SDK1: variants seen among roughly 807,000 people sequenced by gnomAD.
The protein encoded by SDK1 is sidekick cell adhesion molecule 1, also known as protein sidekick-1.
SDK1 carries 157 observed loss-of-function variants against 245.5 expected under a neutral mutation model. The observed-to-expected ratio is 0.64, with a 90% CI of 0.56 to 0.73. The LOEUF is 0.73. SDK1 is among the 30% of genes least tolerant of loss of function. The pLI is 0.00. For synonymous variants in SDK1, 1,647 were observed against 1,278.5 expected (o/e 1.29, Z -6.15); for missense variants, 3,583 against 3,002.3 (o/e 1.19, Z -4.52).
intron 1 of SDK1, among the ~76,000 whole-genome samples, chr7:3,581,926 A>G (rs933350086): frequency 3.3e-5 from 5 of 152,252 alleles, no homozygotes; most frequent in Admixed American, 3.3e-4. Flanking sequence ...TATTCTCGTC[A>G]GTGGGAGCTA....
At chr7:4,227,117 C>G (rs1345300952) in intron 40 of SDK1, 2 of 271,010 alleles carry the variant, frequency 7.4e-6, no homozygotes, top group African/African-American at 4.5e-5. Flanking sequence ...CAGTCTTTGG[C>G]AACGGGAGTT....
intron 28 of SDK1, among the ~76,000 whole-genome samples, chr7:4,133,316 A>G (rs1035594982): frequency 6.6e-6 from 1 of 152,210 alleles, no homozygotes; most frequent in Non-Finnish European, 1.5e-5. Flanking sequence ...TCCTTGACTC[A>G]TTCACCCTTT....
At chr7:3,763,716 G>A (rs895174694) in intron 4 of SDK1, among the ~76,000 whole-genome samples, 4 of 152,096 alleles carry the variant, frequency 2.6e-5, no homozygotes, top group African/African-American at 9.7e-5. Flanking sequence ...TACCTTTTTA[G>A]GGGTGGTGGT....
chr7:4,003,997 G>A (rs1785272658), intron 14 of SDK1, among the ~76,000 whole-genome samples: 1 of 152,224 alleles, frequency 6.6e-6, no homozygotes, highest in South Asian at 2.1e-4. Context: ...TTTGCACAAG[G>A]AGCATTAATG....
At position 3,408,938 on chromosome 7, in the gene SDK1, T is replaced by G. The variant is rs540799961; in HGVS notation, c.298+107054T>G. ...AACAATGCTGATGTACAGTTCTTAT[T>G]GCATTTCAAAAACCTAACCAGTTAA... On this transcript the variant is annotated intron_variant, in intron 1 of 44. Transcript: ENST00000404826. Among the ~76,000 whole-genome samples the G allele has an allele frequency of 3.1e-4, 47 of 152,324 alleles. No homozygotes were observed. The South Asian group carries it at 9.3e-3, about 30-fold the overall frequency.
At chr7:4,031,884 G>T (rs1185576469) in intron 17 of SDK1, among the ~76,000 whole-genome samples, 1 of 151,936 alleles carries the variant, frequency 6.6e-6, no homozygotes, top group Non-Finnish European at 1.5e-5. Flanking sequence ...AAAATTAGCC[G>T]GGCATGGTGG....
rs368295572 is a variant in SDK1 at position 4,106,883 on chromosome 7, C to G, written c.3325-3780C>G. ...CAGCCCCTGTGGCTGAGAGCCTGCC[C>G]TGAGTGCCCAGTGCCTGAACAAGAT... On this transcript the variant is annotated intron_variant, in intron 22 of 44. Coordinates refer to ENST00000404826, the MANE Select transcript of SDK1 (RefSeq NM_152744.4). Among the ~76,000 whole-genome samples the G allele has an allele frequency of 6.2e-3, 943 of 151,918 alleles. 29 individuals carry two copies. The South Asian group carries it at 0.098, about 16-fold the overall frequency.
In SDK1 at chr7:4,026,553, C is replaced by T. The variant is rs544883340; in HGVS notation, c.2602+9201C>T. On this transcript the variant is annotated intron_variant, in intron 17 of 44. Transcript: ENST00000404826. This position sits in a 1 kb window ranked among gnomAD's most constrained non-coding sequence, Gnocchi z 4.1. The stretch of plus-strand genomic sequence containing the variant: ...GCCCAAACACTGGCCCCAAATGCTT[C>T]TCTTCAATGCCTGGCAAGTAAAGAT... Among the ~76,000 whole-genome samples, 1 of 152,282 alleles carries T rather than the reference C, an allele frequency of 6.6e-6. No individual in the cohort carries two copies. The highest frequency in any genetic ancestry group is 2.1e-4 in the South Asian group (1 of 4,818).
chr7:4,264,362 A>G (rs112186834), intron 44 of SDK1, among the ~76,000 whole-genome samples: 2,648 of 68,786 alleles, frequency 0.038, 64 homozygotes, highest in African/African-American at 0.076. Context: ...GAGGCCGTGT[A>G]GATCTCTCCT....
At chr7:4,166,364 G>A (rs1781499970) in intron 32 of SDK1, among the ~76,000 whole-genome samples, 1 of 152,260 alleles carries the variant, frequency 6.6e-6, no homozygotes, top group South Asian at 2.1e-4. Context: ...CTTTCATTAA[G>A]CGCAGTGGGC....
intron 5 of SDK1, among the ~76,000 whole-genome samples, chr7:3,908,586 T>TCTTC (rs201799199): frequency 1.3e-5 from 2 of 152,088 alleles, no homozygotes; most frequent in Non-Finnish European, 2.9e-5. Context: ...ACCATTCATC[T>TCTTC]CTTCCTTCCT....
intron 1 of SDK1, among the ~76,000 whole-genome samples, chr7:3,452,814 G>A (rs2340848): frequency 0.57 from 87,079 of 151,974 alleles, 25,091 homozygotes; most frequent in African/African-American, 0.64. Flanking sequence ...GTTGTGATAA[G>A]AGTCCAATTC....
intron 4 of SDK1, among the ~76,000 whole-genome samples, chr7:3,721,493 G>C (rs1001233570): frequency 1.3e-5 from 2 of 152,154 alleles, no homozygotes; most frequent in Non-Finnish European, 2.9e-5. Flanking sequence ...AAATAATAAG[G>C]CTTTCACAGT....
intron 1 of SDK1, among the ~76,000 whole-genome samples, chr7:3,343,953 T>C (rs1010869312): frequency 6.6e-6 from 1 of 151,372 alleles, no homozygotes; most frequent in Non-Finnish European, 1.5e-5. Context: ...ATAAAAGACA[T>C]TTATGAAGAG....
intron 1 of SDK1, among the ~76,000 whole-genome samples, chr7:3,473,583 C>A (rs926937007): frequency 2.6e-5 from 4 of 152,114 alleles, no homozygotes; most frequent in African/African-American, 7.2e-5. Flanking sequence ...AAATGACCTC[C>A]AAAAAGGCCT....
rs73674305 is a variant in SDK1 at position 3,844,717 on chromosome 7, G to A, written c.847+23134G>A. On this transcript the variant is annotated intron_variant, in intron 5 of 44. Coordinates refer to ENST00000404826, the MANE Select transcript of SDK1 (RefSeq NM_152744.4). Reference sequence around the variant, plus strand: ...AATACAGACAGCAGCTCTCCAGCCCGAGTGCCACACAGAGAACCTCACTGT... The same window carrying A: ...AATACAGACAGCAGCTCTCCAGCCCAAGTGCCACACAGAGAACCTCACTGT... Among the ~76,000 whole-genome samples, 1,015 of 152,254 alleles carry A rather than the reference G, an allele frequency of 6.7e-3. 12 individuals are homozygous for A. Among genetic ancestry groups the A allele is most frequent in the African/African-American group, 0.023 (947 of 41,554 alleles).
chr7:3,477,762 C>T (rs949473657), intron 1 of SDK1, among the ~76,000 whole-genome samples: 4 of 152,072 alleles, frequency 2.6e-5, no homozygotes, highest in Non-Finnish European at 5.9e-5. Context: ...GAACCTCCCA[C>T]CTCAGACTCC....
chr7:3,688,972 A>C (rs1033283253), intron 4 of SDK1, among the ~76,000 whole-genome samples: 1 of 152,172 alleles, frequency 6.6e-6, no homozygotes, highest in Non-Finnish European at 1.5e-5. Context: ...CTACTGCCCA[A>C]GGGGCCAATC....
At chr7:4,233,222 A>T in intron 40 of SDK1, 33 bp from the exon 41 acceptor site, 1 of 1,599,698 alleles carries the variant, frequency 6.3e-7, no homozygotes, top group Non-Finnish European at 8.5e-7. Flanking sequence ...CGCACTTCTA[A>T]CCTCTGCTCT....
Sources: allele counts gnomAD v4.1 joint callset (sites outside exome capture counted in the v4.1 genomes callset), GRCh38; gene constraint gnomAD v4.1.1; non-coding constraint Gnocchi (gnomAD v3.1); transcripts MANE v1.5; gene names NCBI Gene and HGNC (gene_info 2026-07-23, HGNC 2026-07-21).